DTHD1: variants seen among roughly 807,000 people sequenced by gnomAD.
The protein encoded by DTHD1 is death domain-containing protein 1.
DTHD1 carries 59 observed loss-of-function variants against 74.8 expected under a neutral mutation model. That is an observed-to-expected ratio of 0.79 (90% CI 0.64 to 0.98). DTHD1 has a LOEUF of 0.98. Among genes scored for constraint, DTHD1 ranks in the 50% least tolerant of loss-of-function variants. DTHD1 has a pLI of 0.00. For missense variants in DTHD1, 1,051 were observed against 1,065.4 expected (o/e 0.99, Z 0.19); for synonymous variants, 365 against 371.1 (o/e 0.98, Z 0.19).
chr4:36,333,723 T>C (rs1464750865), intron 8 of DTHD1: 1 of 152,390 alleles, frequency 6.6e-6, no homozygotes, highest in Non-Finnish European at 1.5e-5. Flanking sequence ...GAAACCATCA[T>C]GGCATGCTAC....
Position 36,312,027 on chromosome 4 carries a change from G to A in DTHD1, c.2095+3534G>A, listed in dbSNP as rs569138302. ...TTCTATCTCTAATAGGAAGGAAGAT[G>A]GATAGGTGCGTCCTTTGGTTTTTAT... is the stretch of plus-strand genomic sequence containing the variant. On this transcript the variant is annotated intron_variant, in intron 7 of 9. Coordinates refer to ENST00000639862, the MANE Select transcript of DTHD1 (RefSeq NM_001170700.3). 1.1e-4 allele frequency among the ~76,000 whole-genome samples: 17 copies of A among 152,220 alleles called. No homozygotes were observed. The South Asian group carries it at 3.3e-3, about 30-fold the overall frequency.
At chr4:36,334,014 C>A (rs1758854164) in intron 8 of DTHD1, 2 of 152,130 alleles carry the variant, frequency 1.3e-5, no homozygotes, top group African/African-American at 4.8e-5. Context: ...ATCCCTATAG[C>A]TTTAGGTAAG....
intron 8 of DTHD1, among the ~76,000 whole-genome samples, chr4:36,329,041 CAG>C (rs1465135571): frequency 1.3e-5 from 2 of 152,190 alleles, no homozygotes; most frequent in South Asian, 2.1e-4. Flanking sequence ...CATGAGGACC[CAG>C]ACTACAAGGT....
At chr4:36,291,537 T>G (rs1430995341) in intron 3 of DTHD1, among the ~76,000 whole-genome samples, 1 of 152,176 alleles carries the variant, frequency 6.6e-6, no homozygotes, top group Non-Finnish European at 1.5e-5. Flanking sequence ...ACTATTAAAT[T>G]TAGTATGGAG....
intron 8 of DTHD1, among the ~76,000 whole-genome samples, chr4:36,322,624 T>G (rs944899847): frequency 1.1e-4 from 16 of 152,122 alleles, no homozygotes; most frequent in African/African-American, 3.6e-4. Context: ...AGTGCGCATG[T>G]GAGGGCCACA....
rs755980265 is a variant in DTHD1, at chr4:36,345,173, A to C, written c.*1349A>C. On this transcript the variant is annotated 3_prime_UTR_variant, in exon 10 of 10. Coordinates refer to ENST00000639862, the MANE Select transcript of DTHD1 (RefSeq NM_001170700.3). ...AGAAGCCTTATTACATAAGCCCTAG[A>C]TATACATCATTAAAAATAAACAAAA... 5.3e-5 allele frequency: 8 copies of C among 152,200 alleles called. No individual in the cohort carries two copies. The highest frequency in any genetic ancestry group is 7.4e-5 in the Non-Finnish European group (5 of 68,016). The allele number at this position is 152,200 out of a possible 1,614,324, so 9.4% of individuals were successfully genotyped here.
rs748785345 is a variant in DTHD1, at chr4:36,284,206, G to A, written c.502G>A (p.Glu168Lys). The A allele has an allele frequency of 2.0e-6, 3 of 1,537,128 alleles. No homozygotes were observed. Among genetic ancestry groups the A allele is most frequent in the Non-Finnish European group, 2.6e-6 (3 of 1,146,868 alleles). Residue 168 changes from glutamate to lysine, a missense_variant, in exon 2 of 10, where the codon GAA (glutamate) becomes AAA (lysine). Physicochemically the swap from Glu to Lys is moderately conservative, Grantham distance 56. Coordinates refer to ENST00000639862, the MANE Select transcript of DTHD1 (RefSeq NM_001170700.3). Reference sequence around the variant, plus strand: ...TACTGTTTCTCCCACAAATGGAGAGGAAAGTCATTACACAAACCAGGTCCA... The same window carrying A: ...TACTGTTTCTCCCACAAATGGAGAGAAAAGTCATTACACAAACCAGGTCCA... Reference protein sequence around the residue: ...TATVSPTNGEESHYTNQVQLE... With the variant: ...TATVSPTNGEKSHYTNQVQLE...
chr4:36,326,435 TA>T (rs1240039321), intron 8 of DTHD1, among the ~76,000 whole-genome samples: 1 of 149,512 alleles, frequency 6.7e-6, no homozygotes, highest in African/African-American at 2.5e-5. Context: ...AAACCTTAAA[TA>T]AAAGTTTCTT....
chr4:36,314,542 C>A (rs890898662), intron 7 of DTHD1, among the ~76,000 whole-genome samples: 11 of 149,248 alleles, frequency 7.4e-5, no homozygotes, highest in Middle Eastern at 3.5e-3. Context: ...ATTACCCAGG[C>A]GTGGTGGCCC....
intron 8 of DTHD1, among the ~76,000 whole-genome samples, chr4:36,327,397 A>G (rs1363660993): frequency 6.6e-6 from 1 of 152,220 alleles, no homozygotes; most frequent in African/African-American, 2.4e-5. Flanking sequence ...TAAAAGTGGA[A>G]CAATAAAGAG....
chr4:36,343,431 T>C, intron 9 of DTHD1, 71 bp from the exon 10 acceptor site: 1 of 1,378,700 alleles, frequency 7.3e-7, no homozygotes, highest in South Asian at 1.4e-5. Context: ...TATAAACAGG[T>C]GTGGAGGGTT....
chr4:36,338,905 G>A (rs920514029), intron 8 of DTHD1, among the ~76,000 whole-genome samples: 1 of 152,174 alleles, frequency 6.6e-6, no homozygotes. Flanking sequence ...AAATTTAAAT[G>A]TGCTGAAATA....
intron 8 of DTHD1, 104 bp downstream of exon 8, chr4:36,316,590 G>A: frequency 3.4e-6 from 4 of 1,187,600 alleles, no homozygotes; most frequent in Non-Finnish European, 4.6e-6. Flanking sequence ...TAAAAGAAAA[G>A]GTAAGAATAG....
At position 36,345,306 on chromosome 4, in the gene DTHD1, A is replaced by G. The variant is rs1759533509; in HGVS notation, c.*1482A>G. 1.3e-5 allele frequency: 2 copies of G among 152,172 alleles called. No individual in the cohort carries two copies. Among genetic ancestry groups the G allele is most frequent in the Non-Finnish European group, 2.9e-5 (2 of 68,024 alleles). The allele number at this position is 152,172 out of a possible 1,614,324, so 9.4% of individuals were successfully genotyped here. ...TCTAGTATAAGCTTTGAGTTTTTGG[A>G]AAGCCTAACGCCCTTTAGCTCTCTG... On this transcript the variant is annotated 3_prime_UTR_variant, in exon 10 of 10. Transcript: ENST00000639862.
At chr4:36,312,317 T>C (rs1222446711) in intron 7 of DTHD1, among the ~76,000 whole-genome samples, 2 of 151,868 alleles carry the variant, frequency 1.3e-5, no homozygotes, top group Non-Finnish European at 2.9e-5. Flanking sequence ...TTTCTAGATA[T>C]TCTATAGGAT....
Position 36,281,840 on chromosome 4 carries a change from G to A in DTHD1, c.82G>A (p.Ala28Thr). 8.0e-7 allele frequency: 1 copy of A among 1,246,380 alleles called. No individual in the cohort carries two copies. Among genetic ancestry groups the A allele is most frequent in the Non-Finnish European group, 1.0e-6 (1 of 993,650 alleles). 77.2% of individuals were successfully genotyped at this position (1,246,380 alleles called of 1,614,324 possible). ...IWRQNQMLKQ[A>T]LLGDDLCEGA... ...GAGACAAAACCAGATGCTAAAGCAG[G>A]CACTCTTGGGTGATGACCTTTGTGA... is the stretch of plus-strand genomic sequence containing the variant. Residue 28 changes from alanine (A) to threonine (T), a missense_variant, in exon 1 of 10, where the codon GCA becomes ACA. Coordinates refer to ENST00000639862, the MANE Select transcript of DTHD1 (RefSeq NM_001170700.3).
At chr4:36,288,464 A>G (rs1755850815) in intron 2 of DTHD1, among the ~76,000 whole-genome samples, 1 of 152,192 alleles carries the variant, frequency 6.6e-6, no homozygotes, top group Non-Finnish European at 1.5e-5. Flanking sequence ...GCCTTGATAC[A>G]TCTTGAGTTG....
At chr4:36,293,173 A>G (rs1431838901) in intron 3 of DTHD1, among the ~76,000 whole-genome samples, 1 of 152,236 alleles carries the variant, frequency 6.6e-6, no homozygotes, top group East Asian at 1.9e-4. Flanking sequence ...ATAAAGGTCA[A>G]TATTTAAAAT....
At chr4:36,330,722 C>G (rs1758612748) in intron 8 of DTHD1, among the ~76,000 whole-genome samples, 1 of 152,098 alleles carries the variant, frequency 6.6e-6, no homozygotes, top group African/African-American at 2.4e-5. Flanking sequence ...ACACCCCAGA[C>G]CATTGTTATG....
Sources: gnomAD v4.1 joint callset for allele counts (sites outside exome capture counted in the v4.1 genomes callset) on GRCh38, gnomAD v4.1.1 for gene constraint, MANE v1.5 for transcripts, NCBI Gene and HGNC (gene_info 2026-07-23, HGNC 2026-07-21) for gene names.